Variants in TBC1D1 observed in about 807,000 individuals in gnomAD.
TBC1D1 encodes the protein TBC1 (tre-2/USP6, BUB2, cdc16) domain family, member 1.
A neutral mutation model predicts 125.6 loss-of-function variants in TBC1D1; 89 were observed. The observed-to-expected ratio is 0.71, with a 90% CI of 0.60 to 0.85. The LOEUF (loss-of-function observed/expected upper bound fraction) is 0.85. TBC1D1 is among the 40% of genes least tolerant of loss of function. The pLI is 0.00. For synonymous variants in TBC1D1, 565 were observed against 564.1 expected (o/e 1.00, Z -0.02); for missense variants, 1,377 against 1,469.2 (o/e 0.94, Z 1.03).
chr4:38,098,630 C>T, intron 14 of TBC1D1, among the ~76,000 whole-genome samples: 1 of 152,170 alleles, frequency 6.6e-6, no homozygotes, highest in East Asian at 1.9e-4. Flanking sequence ...ATAAAGGGGG[C>T]TTTGTCAGTC....
intron 18 of TBC1D1, among the ~76,000 whole-genome samples, chr4:38,125,494 G>T (rs1294435368): frequency 6.6e-6 from 1 of 152,122 alleles, no homozygotes; most frequent in Non-Finnish European, 1.5e-5. Context: ...GCTTTGATTT[G>T]TGTGTGTGTA....
rs184459097 is a variant in TBC1D1 at position 38,118,590 on chromosome 4, A to G, written c.2962+398A>G. On this transcript the variant is annotated intron_variant, in intron 17 of 19. Coordinates refer to ENST00000261439, the MANE Select transcript of TBC1D1 (RefSeq NM_015173.4). ...GACTGTGGGCCTCTGGGCCCTTTCT[A>G]GATTCCCTTGGCATCTCTTCCTCCC... 30 of 163,518 alleles carry G rather than the reference A, an allele frequency of 1.8e-4. No individual in the cohort carries two copies. The Admixed American group carries it at 1.9e-3, about 10-fold the overall frequency. 10.1% of individuals were successfully genotyped at this position (163,518 alleles called of 1,614,324 possible). A position where few individuals can be genotyped will look rare whatever the true frequency, so the allele number is the denominator to read the frequency against.
At chr4:37,972,918 A>G (rs1052985876) in intron 2 of TBC1D1, among the ~76,000 whole-genome samples, 3 of 151,988 alleles carry the variant, frequency 2.0e-5, no homozygotes, top group Non-Finnish European at 4.4e-5. Flanking sequence ...AAAAAAAAAA[A>G]AAAGAAAATA....
At chr4:38,054,626 T>G (rs1302885023) in intron 12 of TBC1D1, among the ~76,000 whole-genome samples, 1 of 152,142 alleles carries the variant, frequency 6.6e-6, no homozygotes, top group African/African-American at 2.4e-5. Flanking sequence ...TGCGGCAACC[T>G]CACTTCTTGC....
At chr4:38,051,859 T>G (rs754128499) in intron 11 of TBC1D1, 40 bp from the exon 12 acceptor site, 14 of 1,534,312 alleles carry the variant, frequency 9.1e-6, no homozygotes, top group Non-Finnish European at 1.1e-5. Context: ...GCGCCCCCTC[T>G]CCTGCTAACC....
At chr4:37,942,501 G>A (rs776922281) in intron 2 of TBC1D1, among the ~76,000 whole-genome samples, 1 of 151,930 alleles carries the variant, frequency 6.6e-6, no homozygotes, top group Admixed American at 6.6e-5. Context: ...TTTAATTGGA[G>A]CATTTAGCCC....
chr4:37,910,868 T>C (rs1487545833), intron 2 of TBC1D1, among the ~76,000 whole-genome samples: 3 of 152,122 alleles, frequency 2.0e-5, no homozygotes, highest in Non-Finnish European at 2.9e-5. Flanking sequence ...ATGTTGTTGT[T>C]ACACGTTGTA....
chr4:38,114,766 T>G (rs148689439), intron 15 of TBC1D1, among the ~76,000 whole-genome samples: 245 of 152,214 alleles, frequency 1.6e-3, no homozygotes, highest in African/African-American at 5.6e-3. Flanking sequence ...AATCAGGATG[T>G]TGAGAGCTTT....
At chr4:37,943,212 G>A (rs1237384635) in intron 2 of TBC1D1, among the ~76,000 whole-genome samples, 4 of 152,238 alleles carry the variant, frequency 2.6e-5, no homozygotes, top group African/African-American at 9.6e-5. Flanking sequence ...TCTGCTGTTA[G>A]TCTGATGGGC....
At chr4:38,068,283 G>A (rs1181387293) in intron 12 of TBC1D1, among the ~76,000 whole-genome samples, 1 of 152,192 alleles carries the variant, frequency 6.6e-6, no homozygotes, top group Non-Finnish European at 1.5e-5. Context: ...CCAGAGGCAG[G>A]AAGGTAGTGA....
intron 15 of TBC1D1, among the ~76,000 whole-genome samples, chr4:38,105,674 A>G (rs1456068513): frequency 2.6e-5 from 4 of 152,104 alleles, no homozygotes; most frequent in Non-Finnish European, 5.9e-5. Context: ...CTCATTTCTA[A>G]GTGAGAACAT....
chr4:38,044,078 A>G (rs551482394), intron 8 of TBC1D1, among the ~76,000 whole-genome samples: 22 of 152,362 alleles, frequency 1.4e-4, no homozygotes, highest in African/African-American at 4.8e-4. Context: ...ACGGTTAGTG[A>G]AGACAGATCT....
At chr4:37,901,280 CT>C (rs2152224142) in intron 1 of TBC1D1, among the ~76,000 whole-genome samples, 1 of 152,108 alleles carries the variant, frequency 6.6e-6, no homozygotes, top group South Asian at 2.1e-4. Flanking sequence ...CCTCAGCCTC[CT>C]GAGTAGCTGG....
intron 19 of TBC1D1, among the ~76,000 whole-genome samples, 197 bp from the exon 22 acceptor site, chr4:38,136,938 C>A (rs1482042419): frequency 6.6e-6 from 1 of 152,028 alleles, no homozygotes; most frequent in Non-Finnish European, 1.5e-5. Context: ...TCTCAGGGTG[C>A]TTTTAAGGGC....
At chr4:37,969,051 A>G (rs1350664732) in intron 2 of TBC1D1, among the ~76,000 whole-genome samples, 2 of 152,080 alleles carry the variant, frequency 1.3e-5, no homozygotes, top group African/African-American at 4.8e-5. Flanking sequence ...GGGAGAGGAA[A>G]ATATCAAGAC....
At chr4:38,023,260 G>A (rs7674105) in intron 6 of TBC1D1, among the ~76,000 whole-genome samples, 31,424 of 97,290 alleles carry the variant, frequency 0.32, 3,584 homozygotes, top group East Asian at 0.51. Flanking sequence ...AAAAAAAAAA[G>A]GAATATTTAT....
chr4:38,043,165 G>A (rs1160546912), intron 8 of TBC1D1, among the ~76,000 whole-genome samples: 2 of 151,430 alleles, frequency 1.3e-5, no homozygotes, highest in Non-Finnish European at 2.9e-5. Context: ...GCCTCCCAAA[G>A]TGCTGAGATT....
At chr4:38,004,431 C>T (rs757211634) in intron 2 of TBC1D1, among the ~76,000 whole-genome samples, 8 of 152,202 alleles carry the variant, frequency 5.3e-5, no homozygotes, top group African/African-American at 7.2e-5. Context: ...GGGATTTATA[C>T]TCGTCACACA....
intron 13 of TBC1D1, among the ~76,000 whole-genome samples, chr4:38,091,596 C>T (rs1442453126): frequency 1.3e-5 from 2 of 152,218 alleles, no homozygotes; most frequent in Admixed American, 6.5e-5. Context: ...AATGCCAATA[C>T]TGGCCAATAT....
Sources: allele counts gnomAD v4.1 joint callset (sites outside exome capture counted in the v4.1 genomes callset), GRCh38; gene constraint gnomAD v4.1.1; transcripts MANE v1.5; gene names NCBI Gene and HGNC (gene_info 2026-07-23, HGNC 2026-07-21).